The following PRKCZ variants were observed in gnomAD, a reference collection of about 807,000 sequenced individuals.
PRKCZ encodes protein kinase C zeta type.
Under a neutral mutation model 79.5 loss-of-function variants are expected in PRKCZ, and 33 were observed. That is an observed-to-expected ratio of 0.41 (90% confidence interval 0.31 to 0.55). The LOEUF is 0.55. Ranked by LOEUF, PRKCZ falls within the 20% of genes least tolerant of loss-of-function variation. PRKCZ has a pLI of 0.19. For synonymous variants in PRKCZ, 342 were observed against 320.9 expected (o/e 1.07, Z -0.70); for missense variants, 578 against 813.5 (o/e 0.71, Z 3.52).
At chr1:2,148,410 A>G (rs262674) in intron 7 of PRKCZ, among the ~76,000 whole-genome samples, 9,272 of 149,288 alleles carry the variant, frequency 0.062, 870 homozygotes, top group African/African-American at 0.21. Context: ...CCATCCATCT[A>G]TTGTCCACTA....
At chr1:2,184,774 G>A (rs1013543906) in intron 17 of PRKCZ, 76 bp downstream of exon 17, 80 of 1,475,814 alleles carry the variant, frequency 5.4e-5, no homozygotes, top group Non-Finnish European at 7.3e-5. Context: ...TGGGCAGCTG[G>A]TGACCCAGCC....
chr1:2,106,494 CACCA>C (rs1668475716), intron 4 of PRKCZ, among the ~76,000 whole-genome samples: 40 of 108,346 alleles, frequency 3.7e-4, no homozygotes, highest in South Asian at 1.3e-3. Context: ...CCACACGTGT[CACCA>C]GGCCAGGTAA....
chr1:2,131,399 G>A lies in PRKCZ; in HGVS notation c.335-3863G>A, dbSNP rs942319502. Among the ~76,000 whole-genome samples, 14 of 152,308 alleles carry A rather than the reference G, an allele frequency of 9.2e-5. 1 individual carries two copies. The South Asian group carries it at 1.0e-3, about 11-fold the overall frequency. Reference sequence around the variant, plus strand: ...GTGGGCATATCGCCTGAGGTCAGGCGTTGGAGACCAGCCTGGGCAACACAG... The same window carrying A: ...GTGGGCATATCGCCTGAGGTCAGGCATTGGAGACCAGCCTGGGCAACACAG... On this transcript the variant is annotated intron_variant, in intron 4 of 17. Coordinates refer to ENST00000378567, the MANE Select transcript of PRKCZ (RefSeq NM_002744.6).
chr1:2,073,072 G>A (rs1017868949), intron 4 of PRKCZ, among the ~76,000 whole-genome samples: 3 of 152,140 alleles, frequency 2.0e-5, no homozygotes, highest in African/African-American at 4.8e-5. Context: ...AGCGGCGGTG[G>A]CGGCTCTGGG....
Position 2,140,865 on chromosome 1 carries a change from G to A in PRKCZ, c.421-3345G>A, listed in dbSNP as rs1385261293. Among the ~76,000 whole-genome samples the A allele has an allele frequency of 2.0e-5, 3 of 152,218 alleles. No homozygotes were observed. The East Asian group carries it at 5.8e-4, about 29-fold the overall frequency. On this transcript the variant is annotated intron_variant, in intron 5 of 17. Transcript: ENST00000378567. ...TGCCTATAATCCCAGCTACTCAGGAGGCTGAGACAGGAGAATCGCTTGAAC... is the reference window on the plus strand; with the variant it reads ...TGCCTATAATCCCAGCTACTCAGGAAGCTGAGACAGGAGAATCGCTTGAAC...
At chr1:2,170,306 G>A (rs535879720) in intron 11 of PRKCZ, among the ~76,000 whole-genome samples, 10 of 152,188 alleles carry the variant, frequency 6.6e-5, no homozygotes, top group Admixed American at 2.0e-4. Flanking sequence ...CTCCAGGACC[G>A]TTTGGGGGCT....
intron 4 of PRKCZ, among the ~76,000 whole-genome samples, chr1:2,099,865 C>T (rs1327017943): frequency 6.6e-6 from 1 of 152,196 alleles, no homozygotes; most frequent in African/African-American, 2.4e-5. Context: ...ATGGAAAACC[C>T]TTGAAATACG....
intron 4 of PRKCZ, among the ~76,000 whole-genome samples, chr1:2,117,014 A>T (rs952281809): frequency 6.6e-6 from 1 of 151,936 alleles, no homozygotes; most frequent in Non-Finnish European, 1.5e-5. Flanking sequence ...CAGTGGCATG[A>T]TCATGGCTCA....
chr1:2,121,795 C>T (rs867633182), intron 4 of PRKCZ, among the ~76,000 whole-genome samples: 9 of 3,982 alleles, frequency 2.3e-3, no homozygotes, highest in Non-Finnish European at 3.3e-3. Context: ...GTTAGGGTCA[C>T]GGCGGTGGTT....
intron 4 of PRKCZ, chr1:2,071,310 T>C (rs1390133684): frequency 2.2e-6 from 1 of 459,018 alleles, no homozygotes; most frequent in Admixed American, 2.4e-5. Flanking sequence ...GAGGGTCAAG[T>C]GGGAAGAGAG....
rs1462637020 is a variant in PRKCZ at position 2,075,932 on chromosome 1, A to G, written c.334+16341A>G. On this transcript the variant is annotated intron_variant, in intron 4 of 17. Transcript: ENST00000378567. This position sits in a 1 kb window ranked among gnomAD's most constrained non-coding sequence, Gnocchi z 4.8. The stretch of plus-strand genomic sequence containing the variant: ...ACACGTTTCTGATCGCCGAGGACTC[A>G]GCCGGGCACATGGAGGTTGAACTGT... Among the ~76,000 whole-genome samples, 3 of 152,238 alleles carry G rather than the reference A, an allele frequency of 2.0e-5. No individual in the cohort carries two copies. Among genetic ancestry groups the G allele is most frequent in the Non-Finnish European group, 2.9e-5 (2 of 68,046 alleles).
rs1161996086 is a variant in PRKCZ, at chr1:2,174,114, G to A, written c.1405+98G>A. 8.5e-6 allele frequency: 12 copies of A among 1,417,004 alleles called. No homozygotes were observed. The highest frequency in any genetic ancestry group is 1.4e-5 in the South Asian group (1 of 70,468). 87.8% of individuals were successfully genotyped at this position (1,417,004 alleles called of 1,614,324 possible). A position where few individuals can be genotyped will look rare whatever the true frequency, so the allele number is the denominator to read the frequency against. On this transcript the variant is annotated intron_variant, in intron 14 of 17. Transcript: ENST00000378567. This position sits in a 1 kb window ranked among gnomAD's most constrained non-coding sequence, Gnocchi z 6.2. ...GAGGGGTCCCGCGGGTGCCTGGAGC[G>A]GCAGTGCCATGCAAAGCGTACCGGG...
intron 4 of PRKCZ, among the ~76,000 whole-genome samples, chr1:2,114,967 G>A (rs193054080): frequency 8.5e-5 from 13 of 152,330 alleles, no homozygotes; most frequent in African/African-American, 2.6e-4. Flanking sequence ...TCAACTCCAC[G>A]AGTTTTTACA....
intron 4 of PRKCZ, among the ~76,000 whole-genome samples, chr1:2,078,836 G>C (rs1002530865): frequency 2.7e-5 from 4 of 147,582 alleles, no homozygotes; most frequent in African/African-American, 7.4e-5. Flanking sequence ...TTTTTTCTCT[G>C]AAGGTGGCTT....
chr1:2,090,988 G>C (rs1665397628), intron 4 of PRKCZ, among the ~76,000 whole-genome samples: 1 of 152,196 alleles, frequency 6.6e-6, no homozygotes, highest in Non-Finnish European at 1.5e-5. Context: ...CCATCATATA[G>C]ATGTGCTTTA....
Position 2,149,023 on chromosome 1 carries a change from C to A in PRKCZ, c.687+99C>A. 1 of 1,346,860 alleles carries A rather than the reference C, an allele frequency of 7.4e-7. No homozygotes were observed. The highest frequency in any genetic ancestry group is 1.1e-6 in the Non-Finnish European group (1 of 946,808). The allele number at this position is 1,346,860 out of a possible 1,614,324, so 83.4% of individuals were successfully genotyped here. ...CACGGAAATCTAGATGTGAAATAGACATGGTCCGGGGTGTTGCTAACTAAT... is the reference window on the plus strand; with the variant it reads ...CACGGAAATCTAGATGTGAAATAGAAATGGTCCGGGGTGTTGCTAACTAAT... On this transcript the variant is annotated intron_variant, in intron 8 of 17. Transcript: ENST00000378567. This position sits in a 1 kb window ranked among gnomAD's most constrained non-coding sequence, Gnocchi z 4.1.
chr1:2,161,863 A>C (rs879875390), intron 10 of PRKCZ, among the ~76,000 whole-genome samples: 1 of 151,884 alleles, frequency 6.6e-6, no homozygotes, highest in Non-Finnish European at 1.5e-5. Context: ...TCCTTAGTTG[A>C]AGGAACTTTC....
chr1:2,133,828 C>A (rs377345920), intron 4 of PRKCZ: 6 of 152,518 alleles, frequency 3.9e-5, no homozygotes, highest in African/African-American at 1.4e-4. Context: ...GGCCTACGGA[C>A]TCCTGGAGCC....
intron 11 of PRKCZ, among the ~76,000 whole-genome samples, chr1:2,171,321 G>A (rs1398053657): frequency 3.7e-5 from 5 of 135,018 alleles, no homozygotes; most frequent in Non-Finnish European, 6.2e-5. Context: ...CAGCCTGGGT[G>A]ACAGAGTGAA....
Sources: gnomAD v4.1 joint callset for allele counts (sites outside exome capture counted in the v4.1 genomes callset) on GRCh38, gnomAD v4.1.1 for gene constraint, Gnocchi (gnomAD v3.1) non-coding constraint, MANE v1.5 for transcripts, NCBI Gene and HGNC (gene_info 2026-07-23, HGNC 2026-07-21) for gene names.